The following GAS7 variants were observed in gnomAD, a reference collection of about 807,000 sequenced individuals.
GAS7 encodes the protein growth arrest-specific protein 7.
A neutral mutation model predicts 71.1 loss-of-function variants in GAS7; 28 were observed. That is an observed-to-expected ratio of 0.39 (90% CI 0.29 to 0.54). GAS7 has a LOEUF of 0.54. Among genes scored for constraint, GAS7 ranks in the 20% least tolerant of loss-of-function variants. The probability of loss-of-function intolerance (pLI) is 0.62; values close to 1 mark genes in which losing one functional copy is unlikely to be tolerated. For missense variants in GAS7, 436 were observed against 627.8 expected (o/e 0.69, Z 3.27); for synonymous variants, 258 against 245.8 (o/e 1.05, Z -0.46).
chr17:9,986,278 T>C (rs917711615), intron 2 of GAS7, among the ~76,000 whole-genome samples: 1 of 152,172 alleles, frequency 6.6e-6, no homozygotes, highest in African/African-American at 2.4e-5. Context: ...GCTGACACCA[T>C]TGACCTTATT....
intron 1 of GAS7, among the ~76,000 whole-genome samples, chr17:10,048,941 C>T (rs1011504350): frequency 6.6e-6 from 1 of 152,214 alleles, no homozygotes; most frequent in Non-Finnish European, 1.5e-5. Flanking sequence ...AGATTAGTGC[C>T]TTAGTATTTC....
intron 1 of GAS7, among the ~76,000 whole-genome samples, chr17:10,191,892 AG>A (rs1476649580): frequency 6.8e-6 from 1 of 146,292 alleles, no homozygotes; most frequent in African/African-American, 2.5e-5. Flanking sequence ...AAAAAAAAAA[AG>A]AGGAGAGAGA....
At chr17:10,172,618 T>C (rs985948413) in intron 1 of GAS7, among the ~76,000 whole-genome samples, 1 of 152,240 alleles carries the variant, frequency 6.6e-6, no homozygotes, top group Non-Finnish European at 1.5e-5. Flanking sequence ...CTTTATAGCT[T>C]AGGAAGGGCT....
intron 1 of GAS7, among the ~76,000 whole-genome samples, chr17:10,070,451 C>T (rs1387865692): frequency 6.6e-6 from 1 of 151,438 alleles, no homozygotes; most frequent in East Asian, 1.9e-4. Context: ...ACAACCTGCG[C>T]CTCCCAGGTT....
At chr17:9,922,189 GTGATGAAGATGA>G (rs999508897) in intron 11 of GAS7, among the ~76,000 whole-genome samples, 9 of 130,910 alleles carry the variant, frequency 6.9e-5, no homozygotes, top group African/African-American at 2.4e-4. Flanking sequence ...GGCTATGGTG[GTGATGAAGATGA>G]TGATGATGAT....
intron 1 of GAS7, among the ~76,000 whole-genome samples, chr17:10,060,256 C>T (rs1453254722): frequency 5.3e-5 from 8 of 152,206 alleles, no homozygotes; most frequent in Non-Finnish European, 1.0e-4. Context: ...AACGAAGAGT[C>T]GAGAGGCCAC....
At position 10,176,417 on chromosome 17, in the gene GAS7, G is replaced by A. The variant is rs145211687; in HGVS notation, c.183+21791C>T. 8.8e-4 allele frequency among the ~76,000 whole-genome samples: 134 copies of A among 152,268 alleles called. 1 individual carries two copies. The highest frequency in any genetic ancestry group is 3.1e-3 in the African/African-American group (127 of 41,546). On this transcript the variant is annotated intron_variant, in intron 1 of 13. Coordinates refer to ENST00000432992, the MANE Select transcript of GAS7 (RefSeq NM_201433.2). ...TTAGCACCGCTTGCATTCATCACCC[G>A]TAAACTTCAAATCCCGTACACAGCC...
intron 1 of GAS7, among the ~76,000 whole-genome samples, chr17:10,197,939 C>A (rs2074552636): frequency 6.6e-6 from 1 of 152,226 alleles, no homozygotes; most frequent in Non-Finnish European, 1.5e-5. Context: ...GCAACAAGTT[C>A]TCGCTTCCTC....
intron 1 of GAS7, among the ~76,000 whole-genome samples, chr17:10,193,003 G>A (rs2074513941): frequency 6.6e-6 from 1 of 152,136 alleles, no homozygotes; most frequent in African/African-American, 2.4e-5. Context: ...CTCATTTTGG[G>A]TGATTTTCAT....
In GAS7 at chr17:10,174,988, C is replaced by A. The variant is rs143381556; in HGVS notation, c.183+23220G>T. On this transcript the variant is annotated intron_variant, in intron 1 of 13. Transcript: ENST00000432992. ...AGACTTCCGAGTAGCTGGGACCACA[C>A]GTGCATGCCACCACGCCTGGCTAAT... 2.8e-3 allele frequency among the ~76,000 whole-genome samples: 432 copies of A among 152,114 alleles called. 1 individual carries two copies. Among genetic ancestry groups the A allele is most frequent in the Non-Finnish European group, 3.7e-3 (253 of 68,014 alleles).
At chr17:9,979,516 G>A (rs577316842) in intron 3 of GAS7, among the ~76,000 whole-genome samples, 7 of 152,292 alleles carry the variant, frequency 4.6e-5, no homozygotes, top group African/African-American at 7.2e-5. Flanking sequence ...GCCAGGGACC[G>A]GAGGCAGCTC....
intron 5 of GAS7, among the ~76,000 whole-genome samples, chr17:9,950,198 A>C (rs1415267785): frequency 6.6e-6 from 1 of 152,088 alleles, no homozygotes; most frequent in Non-Finnish European, 1.5e-5. Context: ...ACTTCTAAGA[A>C]TACAACATTA....
chr17:10,119,693 C>T lies in GAS7; in HGVS notation c.183+78515G>A, dbSNP rs536029603. Among the ~76,000 whole-genome samples, 3 of 152,362 alleles carry T rather than the reference C, an allele frequency of 2.0e-5. No homozygotes were observed. In the South Asian group the frequency reaches 6.2e-4, roughly 32 times the overall value. On this transcript the variant is annotated intron_variant, in intron 1 of 13. Transcript: ENST00000432992. ...GCTGCCCACTGTCCTTAGAACTTGC[C>T]TGGTGCCACCCCAAAGCACCTGCTG...
At chr17:10,017,359 T>G (rs1470384736) in intron 2 of GAS7, among the ~76,000 whole-genome samples, 1 of 151,528 alleles carries the variant, frequency 6.6e-6, no homozygotes, top group Non-Finnish European at 1.5e-5. Flanking sequence ...AGACGGAGTC[T>G]TGCTCTGTCA....
intron 1 of GAS7, among the ~76,000 whole-genome samples, chr17:10,042,102 C>T (rs1483096327): frequency 6.6e-6 from 1 of 152,040 alleles, no homozygotes; most frequent in East Asian, 1.9e-4. Context: ...CAAAACCAGC[C>T]TGGCCAATAT....
At chr17:10,114,083 CT>C (rs1353127328) in intron 1 of GAS7, among the ~76,000 whole-genome samples, 9 of 151,270 alleles carry the variant, frequency 5.9e-5, no homozygotes, top group Non-Finnish European at 8.9e-5. Context: ...CCTGGCTAAT[CT>C]TTTTTTTTCT....
chr17:10,114,008 G>A (rs574947520), intron 1 of GAS7, among the ~76,000 whole-genome samples: 4 of 152,106 alleles, frequency 2.6e-5, no homozygotes, highest in Non-Finnish European at 4.4e-5. Context: ...TCAACCTCCC[G>A]GGCTCAAGTG....
chr17:9,927,479 C>CAAAA (rs565071341), intron 9 of GAS7, among the ~76,000 whole-genome samples: 1 of 123,468 alleles, frequency 8.1e-6, no homozygotes, highest in African/African-American at 3.1e-5. Flanking sequence ...GACTTGGTCT[C>CAAAA]AAAAAAAAAA....
chr17:9,977,244 C>G (rs1159426062), intron 3 of GAS7, among the ~76,000 whole-genome samples: 2 of 152,156 alleles, frequency 1.3e-5, no homozygotes, highest in Admixed American at 6.5e-5. Context: ...CATACCAGCC[C>G]CATTCAAGTA....
Sources: gnomAD v4.1 joint callset for allele counts (sites outside exome capture counted in the v4.1 genomes callset) on GRCh38, gnomAD v4.1.1 for gene constraint, MANE v1.5 for transcripts, NCBI Gene and HGNC (gene_info 2026-07-23, HGNC 2026-07-21) for gene names.